The following ROBO2 variants were observed in gnomAD, a reference collection of about 807,000 sequenced individuals.
The protein encoded by ROBO2 is roundabout guidance receptor 2.
A neutral mutation model predicts 160.8 loss-of-function variants in ROBO2; 53 were observed. That is an observed-to-expected ratio of 0.33 (90% CI 0.26 to 0.41). The LOEUF is 0.41. ROBO2 is among the 10% of genes least tolerant of loss of function. The pLI, the probability that ROBO2 is intolerant of heterozygous loss-of-function variation, is 1.00. For synonymous variants in ROBO2, 664 were observed against 611.7 expected (o/e 1.09, Z -1.26); for missense variants, 1,577 against 1,722.4 (o/e 0.92, Z 1.49).
At position 76,149,828 on chromosome 3, in the gene ROBO2, A is replaced by G. The variant is rs575478598; in HGVS notation, c.109+212226A>G. 1.8e-4 allele frequency among the ~76,000 whole-genome samples: 27 copies of G among 150,594 alleles called. No homozygotes were observed. In the South Asian group the frequency reaches 5.5e-3, roughly 31 times the overall value. On this transcript the variant is annotated intron_variant, in intron 2 of 26. Transcript: ENST00000487694. ...ATCTGTCTAAAGCACACATCTGTCT[A>G]AAACACACATCTGTCTAAAGCACAC... is the stretch of plus-strand genomic sequence containing the variant.
intron 1 of ROBO2, among the ~76,000 whole-genome samples, chr3:75,937,072 T>C (rs1947815491): frequency 6.6e-6 from 1 of 152,124 alleles, no homozygotes; most frequent in Non-Finnish European, 1.5e-5. Context: ...TGTTGAAAAG[T>C]CCTTTTGTAT....
chr3:76,595,260 T>C (rs1360983517), intron 2 of ROBO2, among the ~76,000 whole-genome samples: 1 of 151,988 alleles, frequency 6.6e-6, no homozygotes, highest in East Asian at 1.9e-4. Flanking sequence ...AATCAATAAA[T>C]ATATTTCTAT....
intron 2 of ROBO2, among the ~76,000 whole-genome samples, chr3:75,964,813 T>G (rs1008242155): frequency 6.6e-6 from 1 of 151,762 alleles, no homozygotes; most frequent in African/African-American, 2.4e-5. Flanking sequence ...TTGTTACATT[T>G]ATTTATATTG....
chr3:76,798,199 AAGAAAG>A (rs139873057), intron 2 of ROBO2, among the ~76,000 whole-genome samples: 1,628 of 148,640 alleles, frequency 0.011, 20 homozygotes, highest in Non-Finnish European at 0.018. Context: ...AAAAAGAAGA[AAGAAAG>A]AGAAAGAGAA....
chr3:77,197,310 A>G (rs921439617), intron 2 of ROBO2, among the ~76,000 whole-genome samples: 2 of 152,214 alleles, frequency 1.3e-5, no homozygotes, highest in Admixed American at 6.5e-5. Flanking sequence ...GGAAAGCTTC[A>G]TTAATGAGCA....
At chr3:77,416,612 G>A (rs1227982833) in intron 2 of ROBO2, among the ~76,000 whole-genome samples, 1 of 151,222 alleles carries the variant, frequency 6.6e-6, no homozygotes, top group East Asian at 2.0e-4. Flanking sequence ...AGCTACTCAG[G>A]AGGCTGAGGC....
intron 2 of ROBO2, among the ~76,000 whole-genome samples, chr3:77,351,176 A>G (rs1476496599): frequency 6.6e-6 from 1 of 152,130 alleles, no homozygotes; most frequent in African/African-American, 2.4e-5. Context: ...AGGGAAGTTT[A>G]TTGTGACAAC....
intron 2 of ROBO2, among the ~76,000 whole-genome samples, chr3:76,728,878 A>T (rs1310558428): frequency 6.6e-6 from 1 of 151,466 alleles, no homozygotes; most frequent in African/African-American, 2.4e-5. Flanking sequence ...TAGTTTATAG[A>T]GTACCAGTAG....
At chr3:75,953,740 A>G (rs1221753484) in intron 2 of ROBO2, among the ~76,000 whole-genome samples, 2 of 151,940 alleles carry the variant, frequency 1.3e-5, no homozygotes, top group African/African-American at 4.8e-5. Context: ...TATAGAAACA[A>G]AAATGACAGC....
At chr3:76,396,306 A>T (rs1168513879) in intron 2 of ROBO2, among the ~76,000 whole-genome samples, 1 of 152,190 alleles carries the variant, frequency 6.6e-6, no homozygotes. Context: ...TAAATTAGGT[A>T]TTGATGGGAC....
intron 2 of ROBO2, among the ~76,000 whole-genome samples, chr3:77,338,443 AT>A (rs1422781886): frequency 3.7e-4 from 57 of 152,308 alleles, no homozygotes; most frequent in African/African-American, 1.3e-3. Context: ...TGTTGTGAAG[AT>A]TAAGCTTATG....
At chr3:76,925,210 C>CAAA (rs147022230) in intron 2 of ROBO2, among the ~76,000 whole-genome samples, 10 of 61,864 alleles carry the variant, frequency 1.6e-4, no homozygotes, top group East Asian at 4.8e-4. Context: ...GACTCCGTCT[C>CAAA]AAAAAAAAAA....
At chr3:76,211,500 A>T (rs908283708) in intron 2 of ROBO2, among the ~76,000 whole-genome samples, 1 of 152,122 alleles carries the variant, frequency 6.6e-6, no homozygotes, top group Non-Finnish European at 1.5e-5. Flanking sequence ...TAGGAAACTG[A>T]CATGTCAGAA....
chr3:76,108,487 T>C (rs1176411630), intron 2 of ROBO2, among the ~76,000 whole-genome samples: 1 of 151,968 alleles, frequency 6.6e-6, no homozygotes, highest in Non-Finnish European at 1.5e-5. Context: ...TTGTTTTATT[T>C]AGGTCCTAGA....
intron 2 of ROBO2, among the ~76,000 whole-genome samples, chr3:76,863,196 G>T (rs1245804363): frequency 2.6e-5 from 4 of 152,080 alleles, no homozygotes; most frequent in African/African-American, 9.7e-5. Flanking sequence ...ATTTCTGGAA[G>T]TTGTTCATTT....
intron 2 of ROBO2, among the ~76,000 whole-genome samples, chr3:76,353,749 CAGG>C (rs912119064): frequency 1.9e-4 from 29 of 151,918 alleles, no homozygotes; most frequent in African/African-American, 6.8e-4. Flanking sequence ...TGGATGGGTT[CAGG>C]AGGAGTTCTT....
chr3:76,820,583 G>A (rs1394862575), intron 2 of ROBO2, among the ~76,000 whole-genome samples: 1 of 151,846 alleles, frequency 6.6e-6, no homozygotes, highest in Middle Eastern at 3.2e-3. Context: ...TTTTAGCCAT[G>A]GCCAAATAAA....
At chr3:76,876,686 AAAAG>A (rs2072763988) in intron 2 of ROBO2, among the ~76,000 whole-genome samples, 1 of 152,166 alleles carries the variant, frequency 6.6e-6, no homozygotes. Flanking sequence ...AGAAAAAAAA[AAAAG>A]AGTATCTTGA....
At chr3:77,548,890 C>T (rs1261336369) in intron 7 of ROBO2, among the ~76,000 whole-genome samples, 1 of 151,826 alleles carries the variant, frequency 6.6e-6, no homozygotes, top group Admixed American at 6.6e-5. Flanking sequence ...TATAAATTCT[C>T]AAATCATGAA....
Sources: allele counts gnomAD v4.1 joint callset (sites outside exome capture counted in the v4.1 genomes callset), GRCh38; gene constraint gnomAD v4.1.1; transcripts MANE v1.5; gene names NCBI Gene and HGNC (gene_info 2026-07-23, HGNC 2026-07-21).